Variants in EML4 observed in about 807,000 individuals in gnomAD.
EML4 encodes the protein echinoderm microtubule-associated protein-like 4.
Under a neutral mutation model 129.0 loss-of-function variants are expected in EML4, and 72 were observed. The observed-to-expected ratio is 0.56, with a 90% CI of 0.46 to 0.68. The LOEUF (loss-of-function observed/expected upper bound fraction) is 0.68, where lower values mean the gene tolerates loss of function less well. EML4 is among the 30% of genes least tolerant of loss of function. The pLI, the probability that EML4 is intolerant of heterozygous loss-of-function variation, is 0.00. For missense variants in EML4, 1,363 were observed against 1,190.6 expected, an observed-to-expected ratio of 1.14 and a Z score of -2.13; for synonymous variants, 532 against 405.0, an observed-to-expected ratio of 1.31 and a Z score of -3.77.
Position 42,326,246 on chromosome 2 carries a change from G to A in EML4, c.2335G>A (p.Val779Ile), listed in dbSNP as rs767174594. Residue 779 changes from valine (V) to isoleucine (I), a missense_variant, in exon 21 of 23, where the codon GTA becomes ATA. Val to Ile is a conservative substitution (Grantham distance 29). Transcript: ENST00000318522. ...ATATACCTGTGTGCTAGGATTTCAA[G>A]TATTTGGTAAGGAAATGACACCTGA... The part of the protein sequence containing the change: ...TTYTCVLGFQ[V>I]FGVWPEGSDG... The A allele has an allele frequency of 3.7e-6, 6 of 1,608,958 alleles. No homozygotes were observed. The highest frequency in any genetic ancestry group is 2.2e-5 in the South Asian group (2 of 90,296).
chr2:42,197,716 A>G (rs1671977554), intron 1 of EML4, among the ~76,000 whole-genome samples: 1 of 152,210 alleles, frequency 6.6e-6, no homozygotes, highest in Non-Finnish European at 1.5e-5. Context: ...TTGGCACTTC[A>G]GAAGAAACCA....
chr2:42,263,359 T>C, intron 5 of EML4, 53 bp downstream of exon 5: 1 of 1,483,758 alleles, frequency 6.7e-7, no homozygotes, highest in Non-Finnish European at 9.2e-7. Context: ...TATTTGGCTA[T>C]TATGTTTGCA....
intron 21 of EML4, 124 bp from the exon 22 acceptor site, chr2:42,328,762 T>G (rs1317669033): frequency 1.4e-6 from 1 of 712,444 alleles, no homozygotes; most frequent in Non-Finnish European, 2.1e-6. Context: ...AAGGAAATGT[T>G]AACAGCTAAG....
At position 42,332,124 on chromosome 2, in the gene EML4, G is replaced by C. The variant is rs1670134825; in HGVS notation, c.*1917G>C. Reference sequence around the variant, plus strand: ...CTATACTCCCTGCAAGAAATATACTGACATGAACAGGCAGTTCTTGGAGAA... The same window carrying C: ...CTATACTCCCTGCAAGAAATATACTCACATGAACAGGCAGTTCTTGGAGAA... On this transcript the variant is annotated 3_prime_UTR_variant, in exon 23 of 23. Transcript: ENST00000318522. The C allele has an allele frequency of 4.5e-6, 1 of 221,054 alleles. No individual in the cohort carries two copies. Among genetic ancestry groups the C allele is most frequent in the South Asian group, 1.9e-4 (1 of 5,400 alleles). 13.7% of individuals were successfully genotyped at this position (221,054 alleles called of 1,614,324 possible).
chr2:42,207,310 A>G (rs1277665231), intron 1 of EML4, among the ~76,000 whole-genome samples: 3 of 152,206 alleles, frequency 2.0e-5, no homozygotes, highest in Non-Finnish European at 4.4e-5. Flanking sequence ...TATTAATATA[A>G]TACTAGATAT....
At chr2:42,258,373 TTC>T (rs1665483972) in intron 3 of EML4, among the ~76,000 whole-genome samples, 1 of 148,992 alleles carries the variant, frequency 6.7e-6, no homozygotes, top group Non-Finnish European at 1.5e-5. Flanking sequence ...ATAATTGTAT[TTC>T]TTTTTTTATT....
chr2:42,175,776 G>A (rs1274273087), intron 1 of EML4, among the ~76,000 whole-genome samples: 2 of 152,122 alleles, frequency 1.3e-5, no homozygotes, highest in Admixed American at 6.5e-5. Flanking sequence ...TGGGATTAGA[G>A]GTGTGAGTCA....
chr2:42,170,726 G>A (rs1484295490), intron 1 of EML4, among the ~76,000 whole-genome samples: 1 of 152,208 alleles, frequency 6.6e-6, no homozygotes. Flanking sequence ...TGCTGGAACT[G>A]TATTTTGAGT....
intron 1 of EML4, among the ~76,000 whole-genome samples, chr2:42,206,818 G>T (rs1440796993): frequency 6.6e-6 from 1 of 152,090 alleles, no homozygotes; most frequent in Non-Finnish European, 1.5e-5. Context: ...ATTGCTGGTT[G>T]GTTTGAATAA....
intron 1 of EML4, among the ~76,000 whole-genome samples, chr2:42,182,129 T>C (rs1410196414): frequency 6.7e-6 from 1 of 150,200 alleles, no homozygotes; most frequent in Non-Finnish European, 1.5e-5. Context: ...TGGTTTCTTT[T>C]TTTTTTTTTT....
chr2:42,237,154 C>T (rs753841264), intron 1 of EML4, among the ~76,000 whole-genome samples: 2 of 152,006 alleles, frequency 1.3e-5, no homozygotes, highest in Non-Finnish European at 2.9e-5. Flanking sequence ...AGGCTGGTCT[C>T]GAACTCCTGA....
intron 1 of EML4, among the ~76,000 whole-genome samples, chr2:42,195,702 T>C (rs1019749784): frequency 1.3e-5 from 2 of 152,318 alleles, no homozygotes; most frequent in Admixed American, 1.3e-4. Context: ...GTGCCAGCTT[T>C]TGGTTAATCA....
In EML4 at chr2:42,282,670, C is replaced by A. The variant is rs529209058; in HGVS notation, c.792-153C>A. On this transcript the variant is annotated intron_variant, in intron 7 of 22. Coordinates refer to ENST00000318522, the MANE Select transcript of EML4 (RefSeq NM_019063.5). ...GGCCTCCTGAAGGGCTAGGATTACA[C>A]GTGTGAGCACTCTGCCCGTCCAGGA... Among the ~76,000 whole-genome samples, 6 of 152,136 alleles carry A rather than the reference C, an allele frequency of 3.9e-5. No individual in the cohort carries two copies. The East Asian group carries it at 9.6e-4, about 24-fold the overall frequency.
chr2:42,248,093 C>G (rs892864131), intron 2 of EML4, among the ~76,000 whole-genome samples: 5 of 152,072 alleles, frequency 3.3e-5, no homozygotes, highest in Non-Finnish European at 7.4e-5. Context: ...ATTCCTCAGC[C>G]TCTGGAGTAG....
intron 1 of EML4, among the ~76,000 whole-genome samples, chr2:42,241,738 G>A (rs1675046502): frequency 6.6e-6 from 1 of 152,142 alleles, no homozygotes; most frequent in Admixed American, 6.6e-5. Flanking sequence ...AAAATAAAAG[G>A]CACATAAGGT....
chr2:42,195,106 A>G (rs989040315), intron 1 of EML4, among the ~76,000 whole-genome samples: 3 of 152,138 alleles, frequency 2.0e-5, no homozygotes, highest in Admixed American at 6.6e-5. Context: ...GGTCAGAATT[A>G]TGGGTTTATA....
At chr2:42,291,024 C>G (rs1411563767) in intron 11 of EML4, among the ~76,000 whole-genome samples, 1 of 152,066 alleles carries the variant, frequency 6.6e-6, no homozygotes, top group Non-Finnish European at 1.5e-5. Flanking sequence ...AATATCAAGA[C>G]TTATGTAATT....
chr2:42,176,939 G>T (rs368105924), intron 1 of EML4, among the ~76,000 whole-genome samples: 2 of 152,054 alleles, frequency 1.3e-5, no homozygotes, highest in Non-Finnish European at 2.9e-5. Flanking sequence ...TGTTACAGGT[G>T]TATGCCACCA....
intron 2 of EML4, among the ~76,000 whole-genome samples, chr2:42,250,560 T>A (rs1342775173): frequency 6.6e-6 from 1 of 152,150 alleles, no homozygotes; most frequent in Admixed American, 6.5e-5. Context: ...AGGGATACTT[T>A]CTGAGAAATG....
Sources: gnomAD v4.1 joint callset for allele counts (sites outside exome capture counted in the v4.1 genomes callset) on GRCh38, gnomAD v4.1.1 for gene constraint, MANE v1.5 for transcripts, NCBI Gene and HGNC (gene_info 2026-07-23, HGNC 2026-07-21) for gene names.